ANO6: variants seen among roughly 807,000 people sequenced by gnomAD.
ANO6 encodes the protein anoctamin 6.
ANO6 carries 106 observed loss-of-function variants against 117.5 expected under a neutral mutation model. The observed-to-expected ratio is 0.90, with a 90% CI of 0.77 to 1.06. The LOEUF (loss-of-function observed/expected upper bound fraction) is 1.06. Ranked by LOEUF, ANO6 falls within the 50% of genes least tolerant of loss-of-function variation. ANO6 has a pLI of 0.00. For synonymous variants in ANO6, 367 were observed against 385.1 expected, an observed-to-expected ratio of 0.95 and a Z score of 0.55; for missense variants, 955 against 1,121.1, an observed-to-expected ratio of 0.85 and a Z score of 2.12.
chr12:45,312,123 T>A (rs1410336951), intron 2 of ANO6, among the ~76,000 whole-genome samples: 1 of 152,050 alleles, frequency 6.6e-6, no homozygotes, highest in Non-Finnish European at 1.5e-5. Context: ...ATCTGGGGAA[T>A]GTCAAAATTA....
intron 1 of ANO6, among the ~76,000 whole-genome samples, chr12:45,265,738 A>G (rs74080990): frequency 6.6e-6 from 1 of 152,282 alleles, no homozygotes; most frequent in African/African-American, 2.4e-5. Flanking sequence ...CGTAGACTCT[A>G]TACTGTGTAG....
chr12:45,285,644 G>A (rs1449252716), intron 1 of ANO6, among the ~76,000 whole-genome samples: 2 of 151,426 alleles, frequency 1.3e-5, no homozygotes, highest in South Asian at 2.1e-4. Flanking sequence ...CAGGAGAATC[G>A]CTTGAACCCG....
chr12:45,418,489 C>T (rs966028462), intron 17 of ANO6, among the ~76,000 whole-genome samples: 2 of 152,174 alleles, frequency 1.3e-5, no homozygotes, highest in African/African-American at 4.8e-5. Context: ...TCAATATGCT[C>T]TAGTACACTA....
chr12:45,390,341 A>G (rs751868056), intron 11 of ANO6, 80 bp from the exon 12 acceptor site: 5 of 1,138,222 alleles, frequency 4.4e-6, no homozygotes, highest in Non-Finnish European at 6.6e-6. Context: ...TAATTCTAAG[A>G]TTTATTGGCG....
intron 1 of ANO6, among the ~76,000 whole-genome samples, chr12:45,289,369 A>G (rs2137273347): frequency 6.6e-6 from 1 of 152,064 alleles, no homozygotes; most frequent in South Asian, 2.1e-4. Context: ...GGGTTTCACC[A>G]TTTTGGTCAG....
intron 1 of ANO6, among the ~76,000 whole-genome samples, chr12:45,286,470 A>G (rs1938919035): frequency 6.6e-6 from 1 of 152,192 alleles, no homozygotes; most frequent in Non-Finnish European, 1.5e-5. Flanking sequence ...ATGATTTAGA[A>G]ATACAACAGA....
At chr12:45,321,665 A>G (rs1389634147) in intron 2 of ANO6, among the ~76,000 whole-genome samples, 1 of 152,136 alleles carries the variant, frequency 6.6e-6, no homozygotes, top group Non-Finnish European at 1.5e-5. Flanking sequence ...TTTTCGAGAA[A>G]GTATCTGCTA....
intron 9 of ANO6, 27 bp from the exon 10 acceptor site, chr12:45,378,026 C>T (rs1256955877): frequency 1.9e-6 from 3 of 1,583,410 alleles, no homozygotes; most frequent in Admixed American, 1.7e-5. Context: ...GGATATGACT[C>T]ATTTATATGT....
In ANO6 at chr12:45,429,430, A is replaced by G; in HGVS notation, c.*119A>G. Reference sequence around the variant, plus strand: ...GCAAATATGAGTCTCAACTATTGCCATTTCCTCATGTATTATTTTTCAGTT... The same window carrying G: ...GCAAATATGAGTCTCAACTATTGCCGTTTCCTCATGTATTATTTTTCAGTT... On this transcript the variant is annotated 3_prime_UTR_variant, in exon 20 of 20. Coordinates refer to ENST00000320560, the MANE Select transcript of ANO6 (RefSeq NM_001025356.3). 1.5e-5 allele frequency: 22 copies of G among 1,512,318 alleles called. No homozygotes were observed. The highest frequency in any genetic ancestry group is 1.9e-5 in the Non-Finnish European group (22 of 1,135,532). The allele number at this position is 1,512,318 out of a possible 1,614,324, so 93.7% of individuals were successfully genotyped here.
At chr12:45,401,007 A>C (rs2137625752) in intron 12 of ANO6, among the ~76,000 whole-genome samples, 1 of 152,340 alleles carries the variant, frequency 6.6e-6, no homozygotes, top group South Asian at 2.1e-4. Flanking sequence ...CTGCTTACTG[A>C]GAAAGTGAAA....
intron 1 of ANO6, among the ~76,000 whole-genome samples, chr12:45,257,731 C>G (rs960033500): frequency 1.3e-5 from 2 of 152,162 alleles, no homozygotes; most frequent in Non-Finnish European, 2.9e-5. Context: ...CCAATCTCGT[C>G]TCCTCAAATC....
At position 45,409,471 on chromosome 12, in the gene ANO6, T is replaced by G. The variant is rs752522983; in HGVS notation, c.1995T>G (p.Tyr665Ter). The change falls in exon 16 of 20, where the codon TAT becomes TAG. Residue 665 changes from tyrosine (Y) to a stop codon, truncating the protein, a stop_gained. Coordinates refer to ENST00000320560, the MANE Select transcript of ANO6 (RefSeq NM_001025356.3). LOFTEE classifies it high-confidence loss of function. ...LQPMGKLGLFYEYLEMIIQFG... is the reference protein window; with the variant it reads ...LQPMGKLGLF ...CTATGGGCAAACTGGGATTATTTTATGAATATCTTGAAATGAGTAAGTTGT... is the reference window on the plus strand; with the variant it reads ...CTATGGGCAAACTGGGATTATTTTAGGAATATCTTGAAATGAGTAAGTTGT... 1 of 1,613,830 alleles carries G rather than the reference T, an allele frequency of 6.2e-7. No individual in the cohort carries two copies. Among genetic ancestry groups the G allele is most frequent in the Non-Finnish European group, 8.5e-7 (1 of 1,179,870 alleles).
intron 1 of ANO6, among the ~76,000 whole-genome samples, chr12:45,282,492 G>A (rs1239513380): frequency 2.0e-5 from 3 of 152,158 alleles, no homozygotes; most frequent in African/African-American, 7.2e-5. Context: ...AAAAGAAGTC[G>A]TGGCCAGCCG....
chr12:45,383,350 A>G (rs1942216683), intron 10 of ANO6: 1 of 154,508 alleles, frequency 6.5e-6, no homozygotes, highest in African/African-American at 2.4e-5. Context: ...AAAGTCATCC[A>G]TGAGGGTTAG....
rs560586152 is a variant in ANO6 at position 45,386,074 on chromosome 12, AAAAC to A, written c.1166-2079_1166-2076del. Among the ~76,000 whole-genome samples, 585 of 152,144 alleles carry A rather than the reference AAAAC, an allele frequency of 3.8e-3. 4 individuals are homozygous for A. Among genetic ancestry groups the A allele is most frequent in the African/African-American group, 0.013 (558 of 41,464 alleles). ...TAAACCTTAAAAACAAAACAAAACA[AAAAC>A]AAACAAAACAACTATGCTCAGGCCC... On this transcript the variant is annotated intron_variant, in intron 10 of 19. Coordinates refer to ENST00000320560, the MANE Select transcript of ANO6 (RefSeq NM_001025356.3).
intron 1 of ANO6, among the ~76,000 whole-genome samples, chr12:45,268,816 TCTGGATCATTAACGGGCATAG>T (rs1469864284): frequency 6.6e-6 from 1 of 152,232 alleles, no homozygotes; most frequent in Admixed American, 6.5e-5. Context: ...GAAAGGTCTG[TCTGGATCATTAACGGGCATAG>T]ACTATTTTTA....
At chr12:45,424,854 C>T (rs1473197582) in intron 19 of ANO6, among the ~76,000 whole-genome samples, 1 of 152,026 alleles carries the variant, frequency 6.6e-6, no homozygotes, top group Admixed American at 6.6e-5. Flanking sequence ...AAGTGTGTAT[C>T]TTCTCTGGAG....
In ANO6 at chr12:45,432,067, CATT is replaced by C; in HGVS notation, c.*2758_*2760del. On this transcript the variant is annotated 3_prime_UTR_variant, in exon 20 of 20. Transcript: ENST00000320560. The stretch of plus-strand genomic sequence containing the variant: ...CATGTGTGCCTTGAATTTCATAAAA[CATT>C]AATTCACAATGGGGGTCAGAATGTA... 1.0e-6 allele frequency: 1 copy of C among 985,344 alleles called. No individual in the cohort carries two copies. The highest frequency in any genetic ancestry group is 1.2e-6 in the Non-Finnish European group (1 of 829,882). The allele number at this position is 985,344 out of a possible 1,614,324, so 61.0% of individuals were successfully genotyped here. A position where few individuals can be genotyped will look rare whatever the true frequency, so the allele number is the denominator to read the frequency against.
chr12:45,414,000 A>G (rs543633028), intron 16 of ANO6, among the ~76,000 whole-genome samples: 243 of 152,256 alleles, frequency 1.6e-3, no homozygotes, highest in African/African-American at 5.7e-3. Flanking sequence ...TCTTATGGCC[A>G]TGTTACAAGA....
Sources: allele counts gnomAD v4.1 joint callset (sites outside exome capture counted in the v4.1 genomes callset), GRCh38; gene constraint gnomAD v4.1.1; transcripts MANE v1.5; gene names NCBI Gene and HGNC (gene_info 2026-07-23, HGNC 2026-07-21).